CPEB2: variants seen among roughly 807,000 people sequenced by gnomAD.
The protein encoded by CPEB2 is cytoplasmic polyadenylation element-binding protein 2.
A neutral mutation model predicts 93.6 loss-of-function variants in CPEB2; 56 were observed. That is an observed-to-expected ratio of 0.60 (90% CI 0.48 to 0.75). The LOEUF (loss-of-function observed/expected upper bound fraction) is 0.75, where lower values mean the gene tolerates loss of function less well. Ranked by LOEUF, CPEB2 falls within the 30% of genes least tolerant of loss-of-function variation. The pLI, the probability that CPEB2 is intolerant of heterozygous loss-of-function variation, is 0.00. For missense variants in CPEB2, 1,579 were observed against 1,395.1 expected (o/e 1.13, Z -2.10); for synonymous variants, 764 against 586.3 (o/e 1.30, Z -4.38).
At chr4:15,045,863 A>G (rs1355660490) in intron 6 of CPEB2, among the ~76,000 whole-genome samples, 1 of 152,230 alleles carries the variant, frequency 6.6e-6, no homozygotes, top group Non-Finnish European at 1.5e-5. Context: ...ATTTATAAGT[A>G]TCAGTCTCAA....
chr4:15,004,684 C>T (rs1051764684), intron 1 of CPEB2, among the ~76,000 whole-genome samples: 4 of 151,910 alleles, frequency 2.6e-5, no homozygotes, highest in Non-Finnish European at 4.4e-5. Context: ...CCGGGCGCGG[C>T]GTCTCAACCC....
chr4:15,034,982 A>G (rs1274055547), intron 5 of CPEB2, among the ~76,000 whole-genome samples: 1 of 152,228 alleles, frequency 6.6e-6, no homozygotes, highest in Admixed American at 6.5e-5. Context: ...AAGTGATATT[A>G]GTGCTCCTGT....
At chr4:15,051,265 TTTA>T (rs1237926137) in intron 6 of CPEB2, among the ~76,000 whole-genome samples, 1 of 152,184 alleles carries the variant, frequency 6.6e-6, no homozygotes, top group Non-Finnish European at 1.5e-5. Flanking sequence ...CTGTATCTAG[TTTA>T]TTATCTTCAC....
Position 15,007,357 on chromosome 4 carries a change from C to T in CPEB2, c.1715C>T (p.Thr572Ile). The T allele has an allele frequency of 6.2e-7, 1 of 1,600,394 alleles. No individual in the cohort carries two copies. Among genetic ancestry groups the T allele is most frequent in the South Asian group, 1.1e-5 (1 of 89,332 alleles). ...AACCATCAGAGCAGTGGCTGGGGCA[C>T]TGGAAGTATGTCCTGGGGAGCAATG... ...WSNHQSSGWGTGSMSWGAMHG... is the reference protein window; with the variant it reads ...WSNHQSSGWGIGSMSWGAMHG... The change falls in exon 2 of 12, where the codon ACT becomes ATT. Residue 572 changes from threonine to isoleucine, a missense_variant. Physicochemically the swap from Thr to Ile is moderately conservative, Grantham distance 89 (BLOSUM62 -1). Transcript: ENST00000538197.
At chr4:15,048,677 T>G (rs1239061122) in intron 6 of CPEB2, among the ~76,000 whole-genome samples, 1 of 152,056 alleles carries the variant, frequency 6.6e-6, no homozygotes, top group Non-Finnish European at 1.5e-5. Context: ...ATGTCTTGTT[T>G]TCTAATATGC....
intron 3 of CPEB2, among the ~76,000 whole-genome samples, chr4:15,009,465 TAA>T (rs997389771): frequency 2.0e-5 from 3 of 152,240 alleles, no homozygotes; most frequent in Admixed American, 2.0e-4. Flanking sequence ...ATTGTCTTGT[TAA>T]TATAAGTTAG....
Position 15,003,254 on chromosome 4 carries a change from A to AGCC in CPEB2, c.594_596dup (p.Pro201dup), listed in dbSNP as rs560468327. The AGCC allele has an allele frequency of 4.0e-3, 6,060 of 1,520,852 alleles. 74 individuals carry two copies. Among genetic ancestry groups the AGCC allele is most frequent in the African/African-American group, 0.027 (1,892 of 70,502 alleles). 94.2% of individuals were successfully genotyped at this position (1,520,852 alleles called of 1,614,324 possible). A position where few individuals can be genotyped will look rare whatever the true frequency, so the allele number is the denominator to read the frequency against. On this transcript the variant is annotated inframe_insertion, in exon 1 of 12. Transcript: ENST00000538197. ...CACCTTCCCCACCCTCCGGACTCGA[A>AGCC]GCCGCCGCCGCCGCCTCCGCCGCTC...
At chr4:15,034,509 G>A (rs1726416096) in intron 5 of CPEB2, among the ~76,000 whole-genome samples, 1 of 152,120 alleles carries the variant, frequency 6.6e-6, no homozygotes, top group Admixed American at 6.5e-5. Flanking sequence ...TCGGCTTTGT[G>A]TATTATGTGA....
intron 5 of CPEB2, among the ~76,000 whole-genome samples, chr4:15,035,761 G>GT (rs958247817): frequency 6.6e-6 from 1 of 152,118 alleles, no homozygotes; most frequent in African/African-American, 2.4e-5. Context: ...CTGAGGCACT[G>GT]TTTCCTAAAG....
chr4:15,053,067 A>G (rs1728385517), intron 7 of CPEB2, among the ~76,000 whole-genome samples: 1 of 150,848 alleles, frequency 6.6e-6, no homozygotes, highest in Admixed American at 6.6e-5. Flanking sequence ...TCCAGGCTGG[A>G]GTGCAGTGGC....
intron 4 of CPEB2, among the ~76,000 whole-genome samples, chr4:15,019,129 T>C (rs1724533247): frequency 6.6e-6 from 1 of 151,326 alleles, no homozygotes; most frequent in Non-Finnish European, 1.5e-5. Flanking sequence ...TCTTCATATT[T>C]ACACAAAACG....
At chr4:15,051,624 C>T (rs1425660908) in intron 6 of CPEB2, among the ~76,000 whole-genome samples, 1 of 152,198 alleles carries the variant, frequency 6.6e-6, no homozygotes, top group Non-Finnish European at 1.5e-5. Flanking sequence ...GACTCCTTTC[C>T]TCCAGAATAT....
chr4:15,054,412 T>C (rs1042268867), intron 8 of CPEB2, among the ~76,000 whole-genome samples, 195 bp downstream of exon 8: 20 of 152,242 alleles, frequency 1.3e-4, no homozygotes, highest in Non-Finnish European at 1.3e-4. Context: ...TATAGACATA[T>C]GAAACAATAT....
At chr4:15,062,909 A>G (rs1373481052) in intron 11 of CPEB2, among the ~76,000 whole-genome samples, 1 of 152,102 alleles carries the variant, frequency 6.6e-6, no homozygotes. Context: ...AATAATTCCA[A>G]GTACTGACTA....
intron 9 of CPEB2, 37 bp from the exon 10 acceptor site, chr4:15,059,150 A>G: frequency 8.0e-7 from 1 of 1,252,154 alleles, no homozygotes; most frequent in South Asian, 1.3e-5. Context: ...CTCATAAGAC[A>G]TCAAGGGAGT....
chr4:15,021,352 T>C (rs1724792135), intron 4 of CPEB2, among the ~76,000 whole-genome samples: 1 of 152,232 alleles, frequency 6.6e-6, no homozygotes, highest in South Asian at 2.1e-4. Context: ...TGCCAAGTAC[T>C]GTTTTGTAGT....
At chr4:15,019,228 A>G (rs1041111565) in intron 4 of CPEB2, among the ~76,000 whole-genome samples, 2 of 151,788 alleles carry the variant, frequency 1.3e-5, no homozygotes, top group Non-Finnish European at 2.9e-5. Flanking sequence ...TGCATAAAAT[A>G]AAAAAATAAG....
In CPEB2 at chr4:15,003,505, G is replaced by A. The variant is rs990049665; in HGVS notation, c.832G>A (p.Gly278Ser). The A allele has an allele frequency of 7.1e-7, 1 of 1,414,442 alleles. No individual in the cohort carries two copies. The highest frequency in any genetic ancestry group is 3.1e-5 in the East Asian group (1 of 32,204). 87.6% of individuals were successfully genotyped at this position (1,414,442 alleles called of 1,614,324 possible). A position where few individuals can be genotyped will look rare whatever the true frequency, so the allele number is the denominator to read the frequency against. ...TGCAGCCCCGCGGCGCCGCCACGGA[G>A]GCGCGGGCAGCCCTCGCAAGACCCC... ...PPAAPRRRHGGAGSPRKTPAA... is the reference protein window; with the variant it reads ...PPAAPRRRHGSAGSPRKTPAA... The change falls in exon 1 of 12, where the codon GGC (glycine) becomes AGC (serine). Residue 278 changes from glycine (G) to serine (S), a missense_variant. By Grantham distance (56) the Gly-to-Ser change is moderately conservative. Around this residue, in one of 2 missense-constraint regions of CPEB2, gnomAD observed 1,411 missense variants for 1,056.0 expected, o/e 1.34. Transcript: ENST00000538197.
At chr4:15,027,618 A>G (rs1192650477) in intron 4 of CPEB2, among the ~76,000 whole-genome samples, 3 of 152,202 alleles carry the variant, frequency 2.0e-5, no homozygotes, top group Non-Finnish European at 2.9e-5. Flanking sequence ...TAAAGGTAAA[A>G]TGTAGATTAT....
Sources: allele counts gnomAD v4.1 joint callset (sites outside exome capture counted in the v4.1 genomes callset), GRCh38; gene constraint gnomAD v4.1.1; regional missense constraint gnomAD v4.1.1; transcripts MANE v1.5; gene names NCBI Gene and HGNC (gene_info 2026-07-23, HGNC 2026-07-21).